The following AFG2A variants were observed in gnomAD, a reference collection of about 807,000 sequenced individuals.
AFG2A encodes ATPase family gene 2 protein homolog A.
chr4:123,199,470 T>TTG, the AFG2A span, among the ~76,000 whole-genome samples: 2 of 134,702 alleles, frequency 1.5e-5, no homozygotes, highest in South Asian at 2.6e-4. Context: ...AGGTTTTTTT[T>TTG]TTTTTTTTTT....
At chr4:123,047,574 C>CT in the AFG2A span, among the ~76,000 whole-genome samples, 39 of 150,692 alleles carry the variant, frequency 2.6e-4, no homozygotes, top group East Asian at 3.7e-3. Context: ...GGTAATTTGT[C>CT]TTTTTTTTTG....
chr4:123,307,250 T>C, the AFG2A span, among the ~76,000 whole-genome samples: 1 of 152,148 alleles, frequency 6.6e-6, no homozygotes, highest in South Asian at 2.1e-4. Flanking sequence ...CAGATGATCC[T>C]CCCATCTCAG....
chr4:123,286,327 T>C, the AFG2A span, among the ~76,000 whole-genome samples: 1 of 152,220 alleles, frequency 6.6e-6, no homozygotes, highest in African/African-American at 2.4e-5. Flanking sequence ...TAAATTTTAA[T>C]TTCTCCAAGA....
the AFG2A span, among the ~76,000 whole-genome samples, chr4:123,169,278 G>A: frequency 6.6e-6 from 1 of 152,124 alleles, no homozygotes; most frequent in Non-Finnish European, 1.5e-5. Context: ...TAAATTCTTA[G>A]TAAATTATGT....
chr4:123,007,568 ATGTG>A, the AFG2A span, among the ~76,000 whole-genome samples: 148 of 91,720 alleles, frequency 1.6e-3, 1 homozygote, highest in African/African-American at 7.4e-3. Context: ...GTGTGTGTAT[ATGTG>A]TGTGTGTGTG....
the AFG2A span, among the ~76,000 whole-genome samples, chr4:122,929,422 G>A: frequency 1.3e-5 from 2 of 152,082 alleles, no homozygotes; most frequent in Non-Finnish European, 2.9e-5. Flanking sequence ...GGCTGGGCGC[G>A]GTGGCTTATG....
chr4:123,290,737 T>C, the AFG2A span, among the ~76,000 whole-genome samples: 1 of 152,276 alleles, frequency 6.6e-6, no homozygotes, highest in African/African-American at 2.4e-5. Flanking sequence ...ACTCATTCAC[T>C]ATCACAAGAA....
the AFG2A span, among the ~76,000 whole-genome samples, chr4:123,246,198 A>G: frequency 1.3e-5 from 2 of 152,182 alleles, no homozygotes; most frequent in African/African-American, 2.4e-5. Context: ...GGCATTGTCA[A>G]AAGGGGAAAG....
chr4:123,255,717 AT>A, the AFG2A span, among the ~76,000 whole-genome samples: 14,217 of 43,910 alleles, frequency 0.32, 681 homozygotes, highest in East Asian at 0.43. Flanking sequence ...CTGCTTTTCT[AT>A]TTTTTTTTTT....
At chr4:123,277,247 A>T in the AFG2A span, among the ~76,000 whole-genome samples, 1 of 152,000 alleles carries the variant, frequency 6.6e-6, no homozygotes, top group African/African-American at 2.4e-5. Context: ...GGCTATTGTG[A>T]GTGGGATTGC....
At chr4:123,169,972 A>G in the AFG2A span, among the ~76,000 whole-genome samples, 4 of 152,196 alleles carry the variant, frequency 2.6e-5, no homozygotes, top group East Asian at 5.8e-4. Context: ...AAAGCTATAT[A>G]AGGATACAAC....
chr4:122,976,143 G>T, the AFG2A span, among the ~76,000 whole-genome samples: 1 of 152,164 alleles, frequency 6.6e-6, no homozygotes, highest in African/African-American at 2.4e-5. Flanking sequence ...AAAAAATCAT[G>T]GGAGCTAGCT....
the AFG2A span, among the ~76,000 whole-genome samples, chr4:123,071,485 CAAAA>C: frequency 1.0e-4 from 14 of 139,984 alleles, no homozygotes; most frequent in East Asian, 1.2e-3. Context: ...CGTCCCCCTC[CAAAA>C]AAAAAAAAAA....
chr4:122,936,699 G>T, the AFG2A span, among the ~76,000 whole-genome samples: 2 of 152,160 alleles, frequency 1.3e-5, no homozygotes, highest in Non-Finnish European at 2.9e-5. Context: ...AAAATAATTG[G>T]CTGGGTGCGG....
At chr4:123,199,501 T>C in the AFG2A span, among the ~76,000 whole-genome samples, 1 of 123,478 alleles carries the variant, frequency 8.1e-6, no homozygotes, top group Non-Finnish European at 1.6e-5. Context: ...AGATGGAGCC[T>C]TGCTCTGTCG....
chr4:123,182,970 G>T, the AFG2A span, among the ~76,000 whole-genome samples: 2 of 152,298 alleles, frequency 1.3e-5, no homozygotes, highest in Admixed American at 1.3e-4. Flanking sequence ...AAATAACTTA[G>T]TACAGTACTT....
the AFG2A span, among the ~76,000 whole-genome samples, chr4:123,128,569 ATTATT>A: frequency 6.6e-6 from 1 of 152,124 alleles, no homozygotes; most frequent in Admixed American, 6.5e-5. Context: ...TTTAAATTTT[ATTATT>A]TAATGTGAGT....
chr4:122,945,641 G>A, the AFG2A span, among the ~76,000 whole-genome samples: 380 of 152,274 alleles, frequency 2.5e-3, 2 homozygotes, highest in African/African-American at 8.0e-3. Flanking sequence ...CACACGGTGC[G>A]CTGCACCCAC....
chr4:122,966,893 C>G, the AFG2A span, among the ~76,000 whole-genome samples: 1 of 152,048 alleles, frequency 6.6e-6, no homozygotes, highest in Non-Finnish European at 1.5e-5. Context: ...GTAATTATGT[C>G]TAGGAGGTTC....
Sources: allele counts gnomAD v4.1 joint callset (sites outside exome capture counted in the v4.1 genomes callset), GRCh38; gene constraint gnomAD v4.1.1; transcripts MANE v1.5; gene names NCBI Gene and HGNC (gene_info 2026-07-23, HGNC 2026-07-21).